VRK2: variants seen among roughly 807,000 people sequenced by gnomAD.
VRK2 encodes the protein serine/threonine-protein kinase VRK2.
VRK2 carries 60 observed loss-of-function variants against 57.6 expected under a neutral mutation model. That is an observed-to-expected ratio of 1.04 (90% CI 0.85 to 1.29). The LOEUF (loss-of-function observed/expected upper bound fraction) is 1.29. Among genes scored for constraint, VRK2 ranks in the 50% most tolerant of loss-of-function variants. The pLI, the probability that VRK2 is intolerant of heterozygous loss-of-function variation, is 0.00. For synonymous variants in VRK2, 231 were observed against 199.2 expected (o/e 1.16, Z -1.35); for missense variants, 705 against 588.1 (o/e 1.20, Z -2.06).
chr2:58,084,012 T>C, intron 2 of VRK2, 77 bp from the exon 3 acceptor site: 1 of 1,488,350 alleles, frequency 6.7e-7, no homozygotes, highest in Non-Finnish European at 9.2e-7. Flanking sequence ...ATGCTTAGCA[T>C]AGTGTTTGGG....
chr2:57,949,502 C>T lies in VRK2; in HGVS notation c.-439+41663C>T, dbSNP rs987387259. Among the ~76,000 whole-genome samples the T allele has an allele frequency of 7.2e-5, 11 of 152,030 alleles. No homozygotes were observed. In the South Asian group the frequency reaches 8.3e-4, roughly 11 times the overall value. On this transcript the variant is annotated intron_variant, in intron 1 of 15. Coordinates refer to the VRK2 transcript ENST00000417641. ...GTAATTGTTTTGGGACACCATGGAC[C>T]GCGCCTACATAAAGTGGCAAACTTA...
intron 1 of VRK2, among the ~76,000 whole-genome samples, chr2:58,011,578 A>G (rs957132984): frequency 6.6e-6 from 1 of 152,162 alleles, no homozygotes; most frequent in African/African-American, 2.4e-5. Context: ...CCTCTTTATG[A>G]ATTTTTTTCC....
chr2:58,090,515 A>C (rs1292767068), intron 7 of VRK2, among the ~76,000 whole-genome samples: 1 of 152,170 alleles, frequency 6.6e-6, no homozygotes, highest in Non-Finnish European at 1.5e-5. Context: ...TATGTGGCTA[A>C]GTACTTAAAA....
chr2:58,018,327 T>C (rs1673648555), intron 1 of VRK2, among the ~76,000 whole-genome samples: 1 of 152,214 alleles, frequency 6.6e-6, no homozygotes, highest in Non-Finnish European at 1.5e-5. Context: ...GTTTTAGAAC[T>C]ATTAAATTTG....
chr2:57,926,964 A>G (rs1026105263), intron 1 of VRK2, among the ~76,000 whole-genome samples: 1 of 138,748 alleles, frequency 7.2e-6, no homozygotes, highest in African/African-American at 2.8e-5. Flanking sequence ...CCTTTTAGTG[A>G]AGGTAGTTTT....
At chr2:57,929,278 T>A (rs1670642274) in intron 1 of VRK2, among the ~76,000 whole-genome samples, 1 of 151,932 alleles carries the variant, frequency 6.6e-6, no homozygotes, top group South Asian at 2.1e-4. Flanking sequence ...CACGACAGAG[T>A]CCTTCTGACT....
intron 2 of VRK2, among the ~76,000 whole-genome samples, chr2:58,049,609 T>C (rs1176528172): frequency 6.6e-6 from 1 of 152,138 alleles, no homozygotes; most frequent in Non-Finnish European, 1.5e-5. Flanking sequence ...TAATGGATCA[T>C]TGAGTTGGAA....
At chr2:58,013,604 G>A (rs1240085196) in intron 1 of VRK2, among the ~76,000 whole-genome samples, 2 of 152,098 alleles carry the variant, frequency 1.3e-5, no homozygotes, top group African/African-American at 4.8e-5. Flanking sequence ...GGGCGCGGTG[G>A]CTCACGCCTG....
chr2:58,043,949 G>T (rs1429137197), upstream of VRK2, among the ~76,000 whole-genome samples: 2 of 151,988 alleles, frequency 1.3e-5, no homozygotes, highest in South Asian at 2.1e-4. Context: ...CTTCTTTTAG[G>T]TTTCCAGCTT....
chr2:58,136,794 CATAT>C (rs1289546482), intron 10 of VRK2, among the ~76,000 whole-genome samples: 2 of 143,294 alleles, frequency 1.4e-5, no homozygotes, highest in Non-Finnish European at 3.0e-5. Flanking sequence ...GTATATATAT[CATAT>C]ATATGTGTAT....
intron 2 of VRK2, among the ~76,000 whole-genome samples, chr2:58,030,816 T>C (rs899569085): frequency 6.6e-5 from 10 of 152,108 alleles, no homozygotes; most frequent in African/African-American, 2.4e-4. Context: ...ATATGACTTC[T>C]GAGGCTGGTA....
intron 12 of VRK2, among the ~76,000 whole-genome samples, chr2:58,157,290 T>C (rs534675119): frequency 6.6e-6 from 1 of 152,310 alleles, no homozygotes; most frequent in Non-Finnish European, 1.5e-5. Context: ...CTGATGTGCA[T>C]TCAAAGTTAA....
chr2:57,926,997 C>CG (rs200493119), intron 1 of VRK2, among the ~76,000 whole-genome samples: 93,295 of 130,160 alleles, frequency 0.72, 29,555 homozygotes, highest in African/African-American at 0.76. Flanking sequence ...GTTTTAATTT[C>CG]TTGTGTGTGT....
chr2:58,020,177 A>C (rs1399826092), intron 1 of VRK2, among the ~76,000 whole-genome samples: 1 of 152,172 alleles, frequency 6.6e-6, no homozygotes, highest in South Asian at 2.1e-4. Context: ...ACAAAAGGAT[A>C]GTTTATTTCT....
chr2:57,956,343 A>G (rs1671586224), intron 1 of VRK2, among the ~76,000 whole-genome samples: 1 of 152,212 alleles, frequency 6.6e-6, no homozygotes, highest in Non-Finnish European at 1.5e-5. Flanking sequence ...TGTGATCATG[A>G]GACTGCATTC....
intron 3 of VRK2, among the ~76,000 whole-genome samples, chr2:58,041,333 C>A (rs1369314450): frequency 6.6e-6 from 1 of 152,028 alleles, no homozygotes; most frequent in Non-Finnish European, 1.5e-5. Context: ...TCTAAGCCCC[C>A]GAACTAACTG....
intron 7 of VRK2, among the ~76,000 whole-genome samples, chr2:58,090,493 A>G (rs1388228482): frequency 7.2e-5 from 11 of 152,002 alleles, no homozygotes; most frequent in African/African-American, 2.7e-4. Flanking sequence ...CCAATATGGT[A>G]GCCATTAGCA....
upstream of VRK2, among the ~76,000 whole-genome samples, chr2:58,042,054 C>T (rs1674480386): frequency 6.6e-6 from 1 of 152,138 alleles, no homozygotes; most frequent in Non-Finnish European, 1.5e-5. Context: ...TTCTCAGGAC[C>T]TCCTGAGGCT....
intron 7 of VRK2, among the ~76,000 whole-genome samples, chr2:58,092,573 T>G (rs555180723): frequency 6.6e-6 from 1 of 152,334 alleles, no homozygotes; most frequent in South Asian, 2.1e-4. Flanking sequence ...AGTGTATGTT[T>G]CACATGGAAA....
Sources: allele counts gnomAD v4.1 joint callset (sites outside exome capture counted in the v4.1 genomes callset), GRCh38; gene constraint gnomAD v4.1.1; transcripts MANE v1.5; gene names NCBI Gene and HGNC (gene_info 2026-07-23, HGNC 2026-07-21).